The following NRP2 variants were observed in gnomAD, a reference collection of about 807,000 sequenced individuals.
The protein encoded by NRP2 is neuropilin 2.
NRP2 carries 52 observed loss-of-function variants against 110.4 expected under a neutral mutation model. That is an observed-to-expected ratio of 0.47 (90% CI 0.38 to 0.59). NRP2 has a LOEUF of 0.59. NRP2 is among the 20% of genes least tolerant of loss of function. The probability of loss-of-function intolerance (pLI) is 0.00; values close to 1 mark genes in which losing one functional copy is unlikely to be tolerated. For synonymous variants in NRP2, 508 were observed against 468.9 expected (o/e 1.08, Z -1.08); for missense variants, 1,049 against 1,203.0 (o/e 0.87, Z 1.89).
chr2:205,749,413 C>G (rs1390693778), intron 10 of NRP2, among the ~76,000 whole-genome samples: 2 of 152,182 alleles, frequency 1.3e-5, no homozygotes, highest in African/African-American at 4.8e-5. Context: ...TCCTTGGAGT[C>G]AGCGTCGCCT....
intron 1 of NRP2, among the ~76,000 whole-genome samples, chr2:205,683,631 T>C (rs1359374591): frequency 1.3e-5 from 2 of 152,144 alleles, no homozygotes; most frequent in Admixed American, 6.5e-5. Flanking sequence ...ATGTCACATA[T>C]GGACTGAATC....
intron 11 of NRP2, chr2:205,752,396 C>T: frequency 7.1e-6 from 2 of 280,476 alleles, no homozygotes; most frequent in Non-Finnish European, 1.4e-5. Context: ...TCTCTGGATG[C>T]TAATGGGCTG....
At chr2:205,737,493 G>C (rs1022736157) in intron 7 of NRP2, among the ~76,000 whole-genome samples, 4 of 152,126 alleles carry the variant, frequency 2.6e-5, no homozygotes, top group South Asian at 4.1e-4. Context: ...CACAGCTCCT[G>C]GCTTCTGATT....
intron 15 of NRP2, among the ~76,000 whole-genome samples, chr2:205,785,698 G>A (rs1392121972): frequency 6.6e-6 from 1 of 152,068 alleles, no homozygotes; most frequent in Admixed American, 6.5e-5. Flanking sequence ...GCCATTGTTG[G>A]GGCTCATTGG....
intron 7 of NRP2, among the ~76,000 whole-genome samples, chr2:205,734,348 A>T (rs1274436018): frequency 1.4e-4 from 21 of 151,958 alleles, no homozygotes; most frequent in Non-Finnish European, 1.5e-5. Flanking sequence ...GATCAGGACC[A>T]TGATTCACAA....
chr2:205,722,930 A>G (rs544953199), intron 4 of NRP2, among the ~76,000 whole-genome samples: 33 of 152,368 alleles, frequency 2.2e-4, no homozygotes, highest in African/African-American at 7.9e-4. Context: ...ATAGGAGACT[A>G]AATAGATACT....
intron 12 of NRP2, among the ~76,000 whole-genome samples, chr2:205,755,543 G>A (rs2057718395): frequency 6.6e-6 from 1 of 151,686 alleles, no homozygotes; most frequent in Non-Finnish European, 1.5e-5. Flanking sequence ...GCTTGATATT[G>A]GGCTTTAAGC....
Position 205,792,272 on chromosome 2 carries a change from A to G in NRP2, c.2463A>G (p.Glu821=). ...IPEIHEREGY[E]DEIDDEYEVD... ...AAATACATGAGAGAGAAGGATATGA[A>G]GATGAAATTGATGGTGAGTACTGTT... is the stretch of plus-strand genomic sequence containing the variant. Residue 821 remains glutamate, a synonymous_variant, in exon 16 of 17, where the codon GAA becomes GAG. Transcript: ENST00000357785. 6.2e-7 allele frequency: 1 copy of G among 1,603,908 alleles called. No individual in the cohort carries two copies. The highest frequency in any genetic ancestry group is 8.5e-7 in the Non-Finnish European group (1 of 1,170,742).
chr2:205,752,946 G>T lies in NRP2; in HGVS notation c.2015G>T (p.Ser672Ile), dbSNP rs1277075217. The T allele has an allele frequency of 6.2e-7, 1 of 1,613,838 alleles. No individual in the cohort carries two copies. The highest frequency in any genetic ancestry group is 8.5e-7 in the Non-Finnish European group (1 of 1,180,034). ...AKWLRTTWAS[S>I]SSPNDRTFPD... ...TGGCTCCGGACCACCTGGGCCAGCA[G>T]CTCCAGCCCAAACGACCGGACGTTT... Residue 672 changes from serine to isoleucine, a missense_variant, in exon 12 of 17, where the codon AGC becomes ATC. Transcript: ENST00000357785.
intron 3 of NRP2, among the ~76,000 whole-genome samples, chr2:205,721,743 C>A (rs849540): frequency 0.41 from 62,736 of 152,102 alleles, 15,757 homozygotes; most frequent in East Asian, 0.8. Context: ...GAGCCAGAAG[C>A]CTTCCAAATG....
intron 9 of NRP2, among the ~76,000 whole-genome samples, chr2:205,743,969 C>T (rs1456472515): frequency 6.6e-6 from 1 of 152,192 alleles, no homozygotes; most frequent in Admixed American, 6.5e-5. Context: ...GTCTCGAACT[C>T]CTGACCTCAA....
rs149116609 is a variant in NRP2 at position 205,794,124 on chromosome 2, T to A, written c.2477-630T>A. Among the ~76,000 whole-genome samples the A allele has an allele frequency of 6.8e-3, 1,038 of 152,280 alleles. 8 individuals carry two copies. The highest frequency in any genetic ancestry group is 0.023 in the African/African-American group (971 of 41,564). ...AAATTATTTATTTATTTATTTATTT[T>A]TTTGGAGACGGAGTCTCGCTCTGTC... On this transcript the variant is annotated intron_variant, in intron 16 of 16. Transcript: ENST00000357785.
chr2:205,710,890 G>C (rs989255213), intron 2 of NRP2, among the ~76,000 whole-genome samples: 56 of 152,220 alleles, frequency 3.7e-4, no homozygotes, highest in Admixed American at 2.0e-3. Context: ...AACTTTGAAA[G>C]TGTGAGAAAA....
intron 12 of NRP2, chr2:205,756,719 C>G (rs2057740434): frequency 6.6e-6 from 1 of 152,112 alleles, no homozygotes. Context: ...TCTTTAGTTC[C>G]CTGGTTTTGG....
At chr2:205,693,652 G>T (rs987048891) in intron 1 of NRP2, among the ~76,000 whole-genome samples, 1 of 152,150 alleles carries the variant, frequency 6.6e-6, no homozygotes, top group African/African-American at 2.4e-5. Context: ...TTAAGAGTTG[G>T]GTGCCATCTC....
chr2:205,744,049 T>C (rs2057494373), intron 9 of NRP2, among the ~76,000 whole-genome samples: 1 of 152,200 alleles, frequency 6.6e-6, no homozygotes, highest in African/African-American at 2.4e-5. Flanking sequence ...CGGCCTGGAC[T>C]CTTTTTTAAT....
At position 205,795,412 on chromosome 2, in the gene NRP2, G is replaced by C. The variant is rs1351793372; in HGVS notation, c.*354G>C. ...ATTATATTTTATTTCTTTGGTCTGT[G>C]AGCAACTCAAAGAGGCAGAAGAGGA... On this transcript the variant is annotated 3_prime_UTR_variant, in exon 17 of 17. Coordinates refer to ENST00000357785, the MANE Select transcript of NRP2 (RefSeq NM_003872.3). 5.3e-5 allele frequency: 8 copies of C among 150,974 alleles called. No homozygotes were observed. The highest frequency in any genetic ancestry group is 5.3e-4 in the Admixed American group (8 of 15,158). 9.4% of individuals were successfully genotyped at this position (150,974 alleles called of 1,614,324 possible).
chr2:205,716,556 C>T (rs1462796592), intron 3 of NRP2, among the ~76,000 whole-genome samples, 182 bp downstream of exon 3: 3 of 15,728 alleles, frequency 1.9e-4, no homozygotes, highest in Non-Finnish European at 3.6e-4. Flanking sequence ...TATCCACCAG[C>T]TTAAGGGGGC....
At position 205,784,604 on chromosome 2, in the gene NRP2, C is replaced by T. The variant is rs2058215542; in HGVS notation, c.2426-7631C>T. Among the ~76,000 whole-genome samples, 4 of 152,274 alleles carry T rather than the reference C, an allele frequency of 2.6e-5. No individual in the cohort carries two copies. The South Asian group carries it at 8.3e-4, about 32-fold the overall frequency. ...TTAGTGTTTACAGGGGTCCTGGGCC[C>T]ACAAACCCATCACTGCTTTCTGGCT... On this transcript the variant is annotated intron_variant, in intron 15 of 16. Transcript: ENST00000357785.
Sources: allele counts gnomAD v4.1 joint callset (sites outside exome capture counted in the v4.1 genomes callset), GRCh38; gene constraint gnomAD v4.1.1; transcripts MANE v1.5; gene names NCBI Gene and HGNC (gene_info 2026-07-23, HGNC 2026-07-21).